ARHGEF11: variants seen among roughly 807,000 people sequenced by gnomAD.
ARHGEF11 encodes Rho guanine exchange factor (GEF) 11.
A neutral mutation model predicts 193.7 loss-of-function variants in ARHGEF11; 55 were observed. That is an observed-to-expected ratio of 0.28 (90% CI 0.23 to 0.36). The LOEUF is 0.36. Among genes scored for constraint, ARHGEF11 ranks in the 10% least tolerant of loss-of-function variants. The pLI is 1.00. For missense variants in ARHGEF11, 1,723 were observed against 2,005.6 expected, an observed-to-expected ratio of 0.86 and a Z score of 2.69; for synonymous variants, 693 against 768.0, an observed-to-expected ratio of 0.90 and a Z score of 1.62.
chr1:156,946,002 C>T (rs779608869), intron 29 of ARHGEF11, 43 bp downstream of exon 29: 29 of 1,517,354 alleles, frequency 1.9e-5, no homozygotes, highest in Middle Eastern at 3.9e-4. Context: ...GGGTCTGGCA[C>T]GAGGCCCACT....
chr1:156,986,139 G>A lies in ARHGEF11; in HGVS notation c.67C>T (p.Pro23Ser). The A allele has an allele frequency of 6.2e-7, 1 of 1,613,958 alleles. No homozygotes were observed. The highest frequency in any genetic ancestry group is 8.5e-7 in the Non-Finnish European group (1 of 1,179,912). The change falls in exon 2 of 41, where the codon CCA (proline) becomes TCA (serine). Residue 23 changes from proline (P) to serine (S), a missense_variant. Physicochemically the swap from Pro to Ser is moderately conservative, Grantham distance 74. Around this residue, in one of 5 missense-constraint regions of ARHGEF11, gnomAD observed 646 missense variants for 710.7 expected, o/e 0.91. Transcript: ENST00000368194. Reference protein sequence around the residue: ...SSLSSLGDSAPERKSPSHHRQ... With the variant: ...SSLSSLGDSASERKSPSHHRQ... Reference sequence around the variant, plus strand: ...TGGTGGGAAGGGGACTTGCGCTCTGGTGCAGAATCTCCCAGAGAAGACAGG... The same window carrying A: ...TGGTGGGAAGGGGACTTGCGCTCTGATGCAGAATCTCCCAGAGAAGACAGG...
Position 156,958,797 on chromosome 1 carries a change from G to A in ARHGEF11, c.1447C>T (p.Pro483Ser). 2 of 1,614,188 alleles carry A rather than the reference G, an allele frequency of 1.2e-6. No individual in the cohort carries two copies. The highest frequency in any genetic ancestry group is 1.7e-6 in the Non-Finnish European group (2 of 1,180,036). ...TCAGCCACTTGGCGCTCTCGGAGAGGGTCCCCATCCAGGTCCAGCAGGTCA... is the reference window on the plus strand; with the variant it reads ...TCAGCCACTTGGCGCTCTCGGAGAGAGTCCCCATCCAGGTCCAGCAGGTCA... ...ENDLLDLDGD[P>S]LRERQVAEKQ... is the part of the protein sequence containing the mutation. The change falls in exon 17 of 41, where the codon CCT (proline) becomes TCT (serine). Residue 483 changes from proline to serine, a missense_variant. Pro to Ser is a moderately conservative substitution (Grantham distance 74). Coordinates refer to ENST00000368194, the MANE Select transcript of ARHGEF11 (RefSeq NM_198236.3).
chr1:156,963,384 C>G (rs1661242092), intron 12 of ARHGEF11, 80 bp from the exon 13 acceptor site: 2 of 1,500,544 alleles, frequency 1.3e-6, no homozygotes, highest in Non-Finnish European at 1.9e-6. Context: ...CATGTGATTC[C>G]CCGTCCTGGG....
intron 38 of ARHGEF11, among the ~76,000 whole-genome samples, 153 bp downstream of exon 38, chr1:156,938,265 C>T (rs757431725): frequency 3.3e-5 from 5 of 152,154 alleles, no homozygotes; most frequent in South Asian, 2.1e-4. Flanking sequence ...CAGATCTCCC[C>T]GTCTTTAGAG....
Position 156,948,554 on chromosome 1 carries a change from C to T in ARHGEF11, c.1926-56G>A, listed in dbSNP as rs754898795. On this transcript the variant is annotated intron_variant, in intron 22 of 40. Transcript: ENST00000368194. This position sits in a 1 kb window ranked among gnomAD's most constrained non-coding sequence, Gnocchi z 4.2. ...TTGGGAAGTCAGTGGGCCATGCTTA[C>T]ATCCTGGCTAACTCTTACCTGTGGC... 44 of 1,613,704 alleles carry T rather than the reference C, an allele frequency of 2.7e-5. No individual in the cohort carries two copies. The African/African-American group carries it at 2.9e-4, about 11-fold the overall frequency.
intron 1 of ARHGEF11, among the ~76,000 whole-genome samples, chr1:157,030,924 G>A (rs1763914): frequency 0.47 from 70,622 of 150,864 alleles, 17,017 homozygotes; most frequent in Middle Eastern, 0.66. Flanking sequence ...TTCTTCTCTT[G>A]CCATGAATTA....
At chr1:156,965,222 C>T (rs1011944607) in intron 11 of ARHGEF11, among the ~76,000 whole-genome samples, 2 of 152,266 alleles carry the variant, frequency 1.3e-5, no homozygotes, top group African/African-American at 2.4e-5. Context: ...ACACTATTGA[C>T]CCCACACCTG....
intron 1 of ARHGEF11, among the ~76,000 whole-genome samples, chr1:157,005,771 G>A (rs1667745611): frequency 6.6e-6 from 1 of 152,156 alleles, no homozygotes; most frequent in African/African-American, 2.4e-5. Flanking sequence ...CACACATTCA[G>A]TATGACCAAA....
At chr1:156,952,491 G>A (rs746409673) in intron 21 of ARHGEF11, among the ~76,000 whole-genome samples, 1 of 152,212 alleles carries the variant, frequency 6.6e-6, no homozygotes, top group African/African-American at 2.4e-5. Flanking sequence ...TATTAGAACA[G>A]GGGTGGGCTA....
chr1:156,958,847 C>T lies in ARHGEF11; in HGVS notation c.1397G>A (p.Gly466Glu). 6.2e-7 allele frequency: 1 copy of T among 1,614,174 alleles called. No homozygotes were observed. ...ATTTTCACCATACAGGCTGCCCAGCCCCAGTGTGCGCTTCGTTCTAAGCCA... is the reference window on the plus strand; with the variant it reads ...ATTTTCACCATACAGGCTGCCCAGCTCCAGTGTGCGCTTCGTTCTAAGCCA... ...IHDYRTKRTL[G>E]LGSLYGENDL... The change falls in exon 17 of 41, where the codon GGG (glycine) becomes GAG (glutamate). Residue 466 changes from glycine to glutamate, a missense_variant. Gly to Glu is a moderately conservative substitution (Grantham distance 98, BLOSUM62 -2). Coordinates refer to ENST00000368194, the MANE Select transcript of ARHGEF11 (RefSeq NM_198236.3).
intron 14 of ARHGEF11, among the ~76,000 whole-genome samples, chr1:156,960,870 C>T (rs767800538): frequency 6.6e-6 from 1 of 152,158 alleles, no homozygotes; most frequent in Non-Finnish European, 1.5e-5. Context: ...TGTCACCCAG[C>T]CTTGCAGTTA....
At chr1:157,009,347 A>AGG (rs1668275242) in intron 1 of ARHGEF11, among the ~76,000 whole-genome samples, 1 of 152,218 alleles carries the variant, frequency 6.6e-6, no homozygotes, top group African/African-American at 2.4e-5. Flanking sequence ...AAATGCTTTG[A>AGG]CATTTGAGGC....
intron 1 of ARHGEF11, among the ~76,000 whole-genome samples, chr1:156,993,337 CAT>C (rs1293744013): frequency 1.2e-4 from 18 of 152,126 alleles, no homozygotes; most frequent in Non-Finnish European, 8.8e-5. Context: ...ATATACATCA[CAT>C]GTGCCCACAC....
chr1:156,996,817 C>T (rs1450688687), intron 1 of ARHGEF11, among the ~76,000 whole-genome samples: 11 of 143,022 alleles, frequency 7.7e-5, no homozygotes, highest in Non-Finnish European at 1.7e-4. Flanking sequence ...CATCCTGATT[C>T]TGCCACTTAC....
rs779995496 is a variant in ARHGEF11, at chr1:156,938,442, C to T, written c.4168G>A (p.Val1390Met). Residue 1390 changes from valine to methionine, a missense_variant, in exon 38 of 41, where the codon GTG becomes ATG. Val to Met is a conservative substitution (Grantham distance 21). Around this residue, in one of 5 missense-constraint regions of ARHGEF11, gnomAD observed 360 missense variants for 344.4 expected, o/e 1.05. Transcript: ENST00000368194. ...SGQSEPGPPE[V>M]EGGTKATGNC... ...CCCGTAGCCTTTGTTCCGCCTTCCA[C>T]TTCAGGTGGCCCAGGCTCTGACTGG... is the stretch of plus-strand genomic sequence containing the variant. The T allele has an allele frequency of 5.6e-6, 9 of 1,613,832 alleles. No homozygotes were observed. In the South Asian group the frequency reaches 8.8e-5, roughly 16 times the overall value.
At chr1:156,998,292 C>G (rs933459719) in intron 1 of ARHGEF11, among the ~76,000 whole-genome samples, 1 of 152,208 alleles carries the variant, frequency 6.6e-6, no homozygotes, top group Non-Finnish European at 1.5e-5. Flanking sequence ...CTTGCAGGCT[C>G]TATCAGCATA....
At chr1:157,006,733 T>G (rs1421590111) in intron 1 of ARHGEF11, among the ~76,000 whole-genome samples, 1 of 152,204 alleles carries the variant, frequency 6.6e-6, no homozygotes, top group African/African-American at 2.4e-5. Context: ...TTTCACCATC[T>G]GCTGGCACCT....
intron 15 of ARHGEF11, among the ~76,000 whole-genome samples, chr1:156,960,176 A>T (rs1348758551): frequency 6.6e-6 from 1 of 151,930 alleles, no homozygotes; most frequent in Non-Finnish European, 1.5e-5. Flanking sequence ...TCCAAGTCCA[A>T]TGTCTTCCCA....
rs775132704 is a variant in ARHGEF11, at chr1:157,044,414, G to C, written c.-84C>G. 1 of 1,335,416 alleles carries C rather than the reference G, an allele frequency of 7.5e-7. No homozygotes were observed. Among genetic ancestry groups the C allele is most frequent in the Non-Finnish European group, 1.1e-6 (1 of 928,720 alleles). 82.7% of individuals were successfully genotyped at this position (1,335,416 alleles called of 1,614,324 possible). A position where few individuals can be genotyped will look rare whatever the true frequency, so the allele number is the denominator to read the frequency against. On this transcript the variant is annotated 5_prime_UTR_variant, in exon 1 of 41. Coordinates refer to ENST00000368194, the MANE Select transcript of ARHGEF11 (RefSeq NM_198236.3). ...TGAATCGCTTGCAATTTTTGAGCAA[G>C]GTGAGAGGAGGGCCTCCCAACTTGA...
Sources: gnomAD v4.1 joint callset for allele counts (sites outside exome capture counted in the v4.1 genomes callset) on GRCh38, gnomAD v4.1.1 for gene constraint, gnomAD v4.1.1 regional missense constraint, Gnocchi (gnomAD v3.1) non-coding constraint, MANE v1.5 for transcripts, NCBI Gene and HGNC (gene_info 2026-07-23, HGNC 2026-07-21) for gene names.